BRIP1: variants seen among roughly 807,000 people sequenced by gnomAD.
The protein encoded by BRIP1 is Fanconi anemia group J protein.
A neutral mutation model predicts 119.7 loss-of-function variants in BRIP1; 88 were observed. That is an observed-to-expected ratio of 0.74 (90% CI 0.62 to 0.88). The LOEUF (loss-of-function observed/expected upper bound fraction) is 0.88, where lower values mean the gene tolerates loss of function less well. Among genes scored for constraint, BRIP1 ranks in the 40% least tolerant of loss-of-function variants. The probability of loss-of-function intolerance (pLI) is 0.00; values close to 1 mark genes in which losing one functional copy is unlikely to be tolerated. For missense variants in BRIP1, 1,259 were observed against 1,455.4 expected (o/e 0.87, Z 2.20); for synonymous variants, 443 against 496.5 (o/e 0.89, Z 1.43).
At chr17:61,765,348 A>ATATG (rs1196740193) in intron 14 of BRIP1, among the ~76,000 whole-genome samples, 1 of 101,824 alleles carries the variant, frequency 9.8e-6, no homozygotes, top group Admixed American at 1.0e-4. Context: ...ATACACATAC[A>ATATG]TATGTATGTG....
In BRIP1 at chr17:61,683,709, T is replaced by C. The variant is rs2061310712; in HGVS notation, c.3337A>G (p.Lys1113Glu). The C allele has an allele frequency of 6.2e-7, 1 of 1,614,078 alleles. No homozygotes were observed. Among genetic ancestry groups the C allele is most frequent in the Non-Finnish European group, 8.5e-7 (1 of 1,179,976 alleles). Residue 1113 changes from lysine (K) to glutamate (E), a missense_variant, in exon 20 of 20, where the codon AAA becomes GAA. Coordinates refer to ENST00000259008, the MANE Select transcript of BRIP1 (RefSeq NM_032043.3). The surrounding 1 kb of genome is among the most constrained non-coding windows in gnomAD (Gnocchi z 4.7). ...IELSLVSEED[K>E]QSTSNRDFET... ...AAATCTCTATTTGAAGTGGACTGTT[T>C]ATCTTCTTCACTTACTAGAGACAAT...
At chr17:61,764,436 T>TTGACC (rs2077321603) in intron 14 of BRIP1, among the ~76,000 whole-genome samples, 1 of 152,208 alleles carries the variant, frequency 6.6e-6, no homozygotes, top group Non-Finnish European at 1.5e-5. Context: ...CAATGTGGTG[T>TTGACC]CACTTTTTTG....
At chr17:61,763,748 C>T (rs1454357705) in intron 14 of BRIP1, among the ~76,000 whole-genome samples, 1 of 152,076 alleles carries the variant, frequency 6.6e-6, no homozygotes, top group Non-Finnish European at 1.5e-5. Flanking sequence ...CTATAATTTG[C>T]ATCTGCTGTA....
chr17:61,790,124 T>A (rs73991948), intron 10 of BRIP1, among the ~76,000 whole-genome samples: 1 of 152,208 alleles, frequency 6.6e-6, no homozygotes, highest in African/African-American at 2.4e-5. Flanking sequence ...AACCCCCACA[T>A]AGTTGTAACC....
intron 10 of BRIP1, among the ~76,000 whole-genome samples, chr17:61,786,254 A>G (rs2077705491): frequency 6.6e-6 from 1 of 151,730 alleles, no homozygotes; most frequent in Admixed American, 6.6e-5. Flanking sequence ...TGCGTGTCTA[A>G]AGGAGCTAAA....
rs937399842 is a variant in BRIP1 at position 61,846,819 on chromosome 17, G to A, written c.627+282C>T. Among the ~76,000 whole-genome samples the A allele has an allele frequency of 1.3e-5, 2 of 152,162 alleles. No homozygotes were observed. The highest frequency in any genetic ancestry group is 4.8e-5 in the African/African-American group (2 of 41,422). On this transcript the variant is annotated intron_variant, in intron 6 of 19. Coordinates refer to ENST00000259008, the MANE Select transcript of BRIP1 (RefSeq NM_032043.3). The surrounding 1 kb of genome is among the most constrained non-coding windows in gnomAD (Gnocchi z 4.3). ...CTAAGAATCCTGAAAGAACTGTAAG[G>A]AGTTGGAGAATTTACAAACATTAAA...
chr17:61,693,640 G>C lies in BRIP1; in HGVS notation c.2493-128C>G. The C allele has an allele frequency of 1.3e-6, 1 of 782,604 alleles. No individual in the cohort carries two copies. The highest frequency in any genetic ancestry group is 2.7e-5 in the East Asian group (1 of 37,698). The allele number at this position is 782,604 out of a possible 1,614,324, so 48.5% of individuals were successfully genotyped here. ...TCCTTTAAACAATTTGTTATTATCAGAAAAGTTACAGAAGCTATCCAACAC... is the reference window on the plus strand; with the variant it reads ...TCCTTTAAACAATTTGTTATTATCACAAAAGTTACAGAAGCTATCCAACAC... On this transcript the variant is annotated intron_variant, in intron 17 of 19. Transcript: ENST00000259008. The surrounding 1 kb of genome is among the most constrained non-coding windows in gnomAD (Gnocchi z 4.2).
chr17:61,687,059 AAT>A lies in BRIP1; in HGVS notation c.2576-896_2576-895del, dbSNP rs1314871568. 1.3e-5 allele frequency among the ~76,000 whole-genome samples: 2 copies of A among 152,154 alleles called. No individual in the cohort carries two copies. Among genetic ancestry groups the A allele is most frequent in the Non-Finnish European group, 2.9e-5 (2 of 68,028 alleles). Reference sequence around the variant, plus strand: ...TTGGGGAATATGATTAGACCATAAAAATATGTGAAATTCTCTAAAATTGAAAA... The same window carrying A: ...TTGGGGAATATGATTAGACCATAAAAATGTGAAATTCTCTAAAATTGAAAA... On this transcript the variant is annotated intron_variant, in intron 18 of 19. Transcript: ENST00000259008. This position sits in a 1 kb window ranked among gnomAD's most constrained non-coding sequence, Gnocchi z 5.1.
chr17:61,779,218 G>C (rs759633054), intron 13 of BRIP1, among the ~76,000 whole-genome samples: 6 of 152,164 alleles, frequency 3.9e-5, no homozygotes, highest in Non-Finnish European at 8.8e-5. Flanking sequence ...TAGGCACAGA[G>C]GAAGAACGTG....
intron 14 of BRIP1, among the ~76,000 whole-genome samples, chr17:61,749,568 G>A (rs938997811): frequency 1.3e-4 from 20 of 152,186 alleles, no homozygotes; most frequent in Admixed American, 8.5e-4. Context: ...ACAGCTGTTC[G>A]GAAGGCCATT....
intron 6 of BRIP1, among the ~76,000 whole-genome samples, chr17:61,817,363 A>G (rs2078252333): frequency 6.6e-6 from 1 of 152,196 alleles, no homozygotes; most frequent in South Asian, 2.1e-4. Flanking sequence ...GATTGCAGGT[A>G]ATTTTTACTT....
At position 61,753,533 on chromosome 17, in the gene BRIP1, G is replaced by A. The variant is rs533444520; in HGVS notation, c.2098-8942C>T. Among the ~76,000 whole-genome samples the A allele has an allele frequency of 1.3e-5, 2 of 151,550 alleles. No homozygotes were observed. The highest frequency in any genetic ancestry group is 4.2e-4 in the South Asian group (2 of 4,806). On this transcript the variant is annotated intron_variant, in intron 14 of 19. Transcript: ENST00000259008. This position sits in a 1 kb window ranked among gnomAD's most constrained non-coding sequence, Gnocchi z 4.6. Reference sequence around the variant, plus strand: ...ATAAAACTAAAAAAGAATGTATAGAGATGAGATTGCCTAGTGGGAGAGTAC... The same window carrying A: ...ATAAAACTAAAAAAGAATGTATAGAAATGAGATTGCCTAGTGGGAGAGTAC...
Position 61,856,437 on chromosome 17 carries a change from T to C in BRIP1, c.379+621A>G, listed in dbSNP as rs1243709496. On this transcript the variant is annotated intron_variant, in intron 4 of 19. Transcript: ENST00000259008. The surrounding 1 kb of genome is among the most constrained non-coding windows in gnomAD (Gnocchi z 5.1). ...TGGACTATGGAGGTACCAATGGATA[T>C]GGAGATGTACATGAAGAAATAAGAA... 6.6e-6 allele frequency among the ~76,000 whole-genome samples: 1 copy of C among 152,180 alleles called. No homozygotes were observed. The highest frequency in any genetic ancestry group is 1.5e-5 in the Non-Finnish European group (1 of 68,018).
In BRIP1 at chr17:61,703,153, C is replaced by T. The variant is rs748789402; in HGVS notation, c.2493-9641G>A. ...AATCCCAACTCACTGCAAACTCCACCTCCCGGGTTCAAACGATTCTCCTGC... is the reference window on the plus strand; with the variant it reads ...AATCCCAACTCACTGCAAACTCCACTTCCCGGGTTCAAACGATTCTCCTGC... On this transcript the variant is annotated intron_variant, in intron 17 of 19. Transcript: ENST00000259008. The surrounding 1 kb of genome is among the most constrained non-coding windows in gnomAD (Gnocchi z 5.0). Among the ~76,000 whole-genome samples, 5 of 152,100 alleles carry T rather than the reference C, an allele frequency of 3.3e-5. No individual in the cohort carries two copies. The highest frequency in any genetic ancestry group is 7.4e-5 in the Non-Finnish European group (5 of 68,010).
rs1361409517 is a variant in BRIP1 at position 61,729,637 on chromosome 17, T to C, written c.2379+13376A>G. Among the ~76,000 whole-genome samples the C allele has an allele frequency of 6.6e-6, 1 of 152,192 alleles. No homozygotes were observed. The highest frequency in any genetic ancestry group is 1.5e-5 in the Non-Finnish European group (1 of 68,034). ...TTATAAGAAAAAGCTATCTACTGTA[T>C]TTAGTGTATATTAGACTCTTGGTAA... On this transcript the variant is annotated intron_variant, in intron 16 of 19. Transcript: ENST00000259008. The surrounding 1 kb of genome is among the most constrained non-coding windows in gnomAD (Gnocchi z 5.6).
chr17:61,743,247 CAAAAT>C lies in BRIP1; in HGVS notation c.2258-118_2258-114del, dbSNP rs2077011457. 2 of 1,282,654 alleles carry C rather than the reference CAAAAT, an allele frequency of 1.6e-6. No individual in the cohort carries two copies. Among genetic ancestry groups the C allele is most frequent in the Admixed American group, 2.0e-5 (1 of 51,056 alleles). The allele number at this position is 1,282,654 out of a possible 1,614,324, so 79.5% of individuals were successfully genotyped here. A position where few individuals can be genotyped will look rare whatever the true frequency, so the allele number is the denominator to read the frequency against. The stretch of plus-strand genomic sequence containing the variant: ...ATTACAGTAGCAAATTTAAAATAAT[CAAAAT>C]AAAACACTATTATGAGATAAAGTTT... On this transcript the variant is annotated intron_variant, in intron 15 of 19. Coordinates refer to ENST00000259008, the MANE Select transcript of BRIP1 (RefSeq NM_032043.3). This position sits in a 1 kb window ranked among gnomAD's most constrained non-coding sequence, Gnocchi z 4.3.
At chr17:61,817,031 C>T (rs943282828) in intron 6 of BRIP1, among the ~76,000 whole-genome samples, 2 of 152,098 alleles carry the variant, frequency 1.3e-5, no homozygotes, top group Non-Finnish European at 2.9e-5. Flanking sequence ...GGAAAATGTA[C>T]CTTTACAATG....
chr17:61,698,607 C>T (rs2144237781), intron 17 of BRIP1, among the ~76,000 whole-genome samples: 1 of 152,270 alleles, frequency 6.6e-6, no homozygotes, highest in Middle Eastern at 3.4e-3. Flanking sequence ...CCAAGTATTA[C>T]TAAATTATTG....
In BRIP1 at chr17:61,799,368, T is replaced by C. The variant is rs2077955810; in HGVS notation, c.1141-69A>G. On this transcript the variant is annotated intron_variant, in intron 8 of 19. Coordinates refer to ENST00000259008, the MANE Select transcript of BRIP1 (RefSeq NM_032043.3). The surrounding 1 kb of genome is among the most constrained non-coding windows in gnomAD (Gnocchi z 5.1). Reference sequence around the variant, plus strand: ...GATTTAACAACAGCAGGCAAGATATTTCATTTTAAAATTCACACTATAGGC... The same window carrying C: ...GATTTAACAACAGCAGGCAAGATATCTCATTTTAAAATTCACACTATAGGC... 1 of 1,264,500 alleles carries C rather than the reference T, an allele frequency of 7.9e-7. No individual in the cohort carries two copies. Among genetic ancestry groups the C allele is most frequent in the Non-Finnish European group, 1.1e-6 (1 of 885,104 alleles). 78.3% of individuals were successfully genotyped at this position (1,264,500 alleles called of 1,614,324 possible). A position where few individuals can be genotyped will look rare whatever the true frequency, so the allele number is the denominator to read the frequency against.
Sources: allele counts gnomAD v4.1 joint callset (sites outside exome capture counted in the v4.1 genomes callset), GRCh38; gene constraint gnomAD v4.1.1; non-coding constraint Gnocchi (gnomAD v3.1); transcripts MANE v1.5; gene names NCBI Gene and HGNC (gene_info 2026-07-23, HGNC 2026-07-21).